The following CFAP43 variants were observed in gnomAD, a reference collection of about 807,000 sequenced individuals.
CFAP43 encodes cilia and flagella associated protein 43.
A neutral mutation model predicts 218.9 loss-of-function variants in CFAP43; 155 were observed. The observed-to-expected ratio is 0.71, with a 90% CI of 0.62 to 0.81. The LOEUF is 0.81. Ranked by LOEUF, CFAP43 falls within the 30% of genes least tolerant of loss-of-function variation. CFAP43 has a pLI of 0.00. For missense variants in CFAP43, 1,778 were observed against 1,954.3 expected (o/e 0.91, Z 1.70); for synonymous variants, 645 against 681.3 (o/e 0.95, Z 0.83).
At chr10:104,205,774 C>G (rs2134956421) in intron 7 of CFAP43, among the ~76,000 whole-genome samples, 189 bp downstream of exon 7, 1 of 152,166 alleles carries the variant, frequency 6.6e-6, no homozygotes, top group Middle Eastern at 3.4e-3. Context: ...TATATCGTCC[C>G]CTCTATTTTG....
In CFAP43 at chr10:104,166,668, CT is replaced by C; in HGVS notation, c.2858del (p.Gln953ArgfsTer17). ...EAQSGVKLIK[Q>X]RHEEDDEEEE... Reference sequence around the variant, plus strand: ...CTTCTTCATCATCCTCTTCATGACGCTGTTTAATCAACTTAACTCCAGACTG... The same window carrying C: ...CTTCTTCATCATCCTCTTCATGACGCGTTTAATCAACTTAACTCCAGACTG... On this transcript the variant is annotated frameshift_variant, in exon 23 of 38. Transcript: ENST00000357060. LOFTEE classifies it high-confidence loss of function. The C allele has an allele frequency of 6.2e-7, 1 of 1,614,000 alleles. No individual in the cohort carries two copies. The highest frequency in any genetic ancestry group is 2.2e-5 in the East Asian group (1 of 44,856).
Position 104,225,510 on chromosome 10 carries a change from T to TG in CFAP43, c.366dup (p.Thr123HisfsTer5). ...AGAGAGGAGTAACTAGCCAGGTAGG[T>TG]GCCACAGTAACTGAATGAAAGTAAA... On this transcript the variant is annotated frameshift_variant, in exon 3 of 38. Transcript: ENST00000357060. LOFTEE classifies it high-confidence loss of function. 6.2e-7 allele frequency: 1 copy of TG among 1,613,076 alleles called. No individual in the cohort carries two copies. The highest frequency in any genetic ancestry group is 8.5e-7 in the Non-Finnish European group (1 of 1,179,386).
chr10:104,182,059 G>A (rs2089863505), intron 17 of CFAP43, among the ~76,000 whole-genome samples: 1 of 152,160 alleles, frequency 6.6e-6, no homozygotes, highest in Non-Finnish European at 1.5e-5. Context: ...AATAATATCT[G>A]TAATATGAAA....
intron 8 of CFAP43, among the ~76,000 whole-genome samples, chr10:104,203,112 A>G (rs1241239677): frequency 2.6e-5 from 4 of 152,080 alleles, no homozygotes; most frequent in Admixed American, 6.6e-5. Context: ...CTATGCCCCA[A>G]TCTCAGTTCT....
intron 28 of CFAP43, 21 bp downstream of exon 28, chr10:104,152,586 A>C: frequency 6.2e-7 from 1 of 1,611,978 alleles, no homozygotes; most frequent in East Asian, 2.2e-5. Flanking sequence ...TAAAAGTCAC[A>C]TAAGTAAAGC....
intron 2 of CFAP43, among the ~76,000 whole-genome samples, chr10:104,230,280 C>G (rs1021042344): frequency 2.0e-5 from 3 of 152,036 alleles, no homozygotes; most frequent in African/African-American, 7.2e-5. Context: ...GCCTGACCAA[C>G]ATGGTGAAAC....
chr10:104,188,171 C>A (rs2090091821), intron 13 of CFAP43, 99 bp downstream of exon 13: 1 of 1,479,368 alleles, frequency 6.8e-7, no homozygotes, highest in South Asian at 1.4e-5. Context: ...GCCATTTTAC[C>A]TCTTCACATG....
At chr10:104,144,424 G>A (rs2087858584) in intron 31 of CFAP43, among the ~76,000 whole-genome samples, 1 of 152,198 alleles carries the variant, frequency 6.6e-6, no homozygotes, top group African/African-American at 2.4e-5. Flanking sequence ...GTTGAGATGG[G>A]TGGATCACGA....
At chr10:104,207,633 A>G (rs2090733891) in intron 6 of CFAP43, 32 bp downstream of exon 6, 1 of 1,593,724 alleles carries the variant, frequency 6.3e-7, no homozygotes, top group African/African-American at 1.4e-5. Flanking sequence ...ACCCATGGCT[A>G]TACAGGAATA....
At chr10:104,187,169 T>C in intron 14 of CFAP43, 151 bp downstream of exon 14, 1 of 532,378 alleles carries the variant, frequency 1.9e-6, no homozygotes, top group Admixed American at 4.3e-5. Flanking sequence ...TAACACTATA[T>C]ATCTAGCTCA....
At chr10:104,212,256 A>T (rs2090887018) in intron 4 of CFAP43, 99 bp from the exon 5 acceptor site, 1 of 1,220,302 alleles carries the variant, frequency 8.2e-7, no homozygotes, top group Admixed American at 2.9e-5. Flanking sequence ...AGGTATTATA[A>T]CTTGCAAAAA....
rs1421532131 is a variant in CFAP43 at position 104,154,458 on chromosome 10, GA to G, written c.3541-1733del. Among the ~76,000 whole-genome samples, 7 of 152,132 alleles carry G rather than the reference GA, an allele frequency of 4.6e-5. No homozygotes were observed. In the East Asian group the frequency reaches 1.4e-3, roughly 29 times the overall value. On this transcript the variant is annotated intron_variant, in intron 27 of 37. Coordinates refer to ENST00000357060, the MANE Select transcript of CFAP43 (RefSeq NM_025145.7). ...ATATGAAAATAAAACAAACAAATAT[GA>G]AAAAAACACATCTCAGGGTCATTTG...
At chr10:104,184,462 CT>C (rs34684487) in intron 16 of CFAP43, among the ~76,000 whole-genome samples, 46,178 of 141,794 alleles carry the variant, frequency 0.33, 6,893 homozygotes, top group African/African-American at 0.37. Context: ...TTAACTATGT[CT>C]TTTTTTTTTT....
chr10:104,229,378 C>A (rs2091386914), intron 2 of CFAP43, among the ~76,000 whole-genome samples: 1 of 151,938 alleles, frequency 6.6e-6, no homozygotes, highest in African/African-American at 2.4e-5. Context: ...TTAGGCCGGG[C>A]ACAGTGGCTC....
intron 27 of CFAP43, among the ~76,000 whole-genome samples, chr10:104,157,781 A>T (rs3976804): frequency 0.036 from 3,539 of 99,374 alleles, 67 homozygotes; most frequent in African/African-American, 0.089. Flanking sequence ...TGTGTGAGAG[A>T]GAGAGAGAGA....
chr10:104,163,584 C>A (rs1328223688), intron 24 of CFAP43, among the ~76,000 whole-genome samples: 1 of 152,024 alleles, frequency 6.6e-6, no homozygotes, highest in East Asian at 1.9e-4. Context: ...CTCTGGGATC[C>A]ACACCGCCTG....
At chr10:104,171,130 T>C (rs560204769) in intron 20 of CFAP43, among the ~76,000 whole-genome samples, 1 of 152,352 alleles carries the variant, frequency 6.6e-6, no homozygotes, top group African/African-American at 2.4e-5. Context: ...CCAGTTTGTT[T>C]CCATCATATA....
In CFAP43 at chr10:104,187,344, G is replaced by A. The variant is rs762532353; in HGVS notation, c.1836C>T (p.Ile612=). ...IYGFCSQVPY[I]CSYLLPEEEH... ...CTTCTTCAGGAAGAAGGTAGCTACA[G>A]ATGTATGGCACTTGACTACAGAAGC... The change falls in exon 14 of 38, where the codon ATC becomes ATT. Residue 612 remains isoleucine, a synonymous_variant. Coordinates refer to ENST00000357060, the MANE Select transcript of CFAP43 (RefSeq NM_025145.7). 9 of 1,603,518 alleles carry A rather than the reference G, an allele frequency of 5.6e-6. No homozygotes were observed. The highest frequency in any genetic ancestry group is 7.6e-6 in the Non-Finnish European group (9 of 1,177,408).
chr10:104,193,237 T>C (rs1418045348), intron 11 of CFAP43: 2 of 152,226 alleles, frequency 1.3e-5, no homozygotes, highest in Admixed American at 1.3e-4. Flanking sequence ...AATGATAGTA[T>C]ATTCATATAA....
Sources: gnomAD v4.1 joint callset for allele counts (sites outside exome capture counted in the v4.1 genomes callset) on GRCh38, gnomAD v4.1.1 for gene constraint, MANE v1.5 for transcripts, NCBI Gene and HGNC (gene_info 2026-07-23, HGNC 2026-07-21) for gene names.